Variants in KIRREL1 observed in about 807,000 individuals in gnomAD.
The protein encoded by KIRREL1 is kirre like nephrin family adhesion molecule 1.
Under a neutral mutation model 83.3 loss-of-function variants are expected in KIRREL1, and 25 were observed. That is an observed-to-expected ratio of 0.30 (90% CI 0.22 to 0.42). The LOEUF (loss-of-function observed/expected upper bound fraction) is 0.42, where lower values mean the gene tolerates loss of function less well. Among genes scored for constraint, KIRREL1 ranks in the 10% least tolerant of loss-of-function variants. KIRREL1 has a pLI of 1.00. For synonymous variants in KIRREL1, 388 were observed against 410.4 expected, an observed-to-expected ratio of 0.95 and a Z score of 0.66; for missense variants, 812 against 1,032.3, an observed-to-expected ratio of 0.79 and a Z score of 2.92.
Position 158,095,871 on chromosome 1 carries a change from A to C in KIRREL1, c.*751A>C, listed in dbSNP as rs2101651479. ...AGTCAGGGTCCTGGTGGAGAAAGAA[A>C]GGCTAGGACCATGTCCTCATTGACC... On this transcript the variant is annotated 3_prime_UTR_variant, in exon 15 of 15. Transcript: ENST00000359209. 6.6e-6 allele frequency: 1 copy of C among 152,400 alleles called. No individual in the cohort carries two copies. Among genetic ancestry groups the C allele is most frequent in the Non-Finnish European group, 1.5e-5 (1 of 68,148 alleles). 9.4% of individuals were successfully genotyped at this position (152,400 alleles called of 1,614,324 possible).
intron 1 of KIRREL1, among the ~76,000 whole-genome samples, chr1:158,002,432 C>G (rs991119810): frequency 6.6e-6 from 1 of 152,140 alleles, no homozygotes; most frequent in African/African-American, 2.4e-5. Flanking sequence ...AGGAGCTGAG[C>G]CTAAAGATTC....
chr1:158,076,360 C>T, intron 2 of KIRREL1, 98 bp downstream of exon 2: 2 of 1,077,998 alleles, frequency 1.9e-6, no homozygotes, highest in East Asian at 2.4e-5. Context: ...TTAGTTCCCT[C>T]ACCACCCTCC....
In KIRREL1 at chr1:158,093,388, C is replaced by T. The variant is rs2101647378; in HGVS notation, c.1521C>T (p.Ile507=). 1 of 1,614,248 alleles carries T rather than the reference C, an allele frequency of 6.2e-7. No individual in the cohort carries two copies. The highest frequency in any genetic ancestry group is 1.6e-4 in the Middle Eastern group (1 of 6,062). ...CTGGGGCCACCATCGGCGCGAGCAT[C>T]CTGCTCATCTTCTTCTTCATCGCCT... The part of the protein sequence containing the change: ...IIAGATIGAS[I]LLIFFFIALV... Residue 507 remains isoleucine, a synonymous_variant, in exon 12 of 15, where the codon ATC becomes ATT. Coordinates refer to ENST00000359209, the MANE Select transcript of KIRREL1 (RefSeq NM_018240.7).
intron 1 of KIRREL1, among the ~76,000 whole-genome samples, chr1:158,032,487 A>G (rs1435453555): frequency 6.6e-6 from 1 of 152,210 alleles, no homozygotes; most frequent in Non-Finnish European, 1.5e-5. Flanking sequence ...CTGTAAGGGA[A>G]CTTGTCTCTG....
chr1:158,008,318 A>G (rs1353144931), intron 1 of KIRREL1, among the ~76,000 whole-genome samples: 1 of 152,104 alleles, frequency 6.6e-6, no homozygotes, highest in Admixed American at 6.5e-5. Context: ...TCTCTGCCAG[A>G]AGGCAGGAGG....
intron 1 of KIRREL1, chr1:158,025,580 CAGAGAAAGAAG>C (rs990126855): frequency 6.6e-6 from 1 of 151,832 alleles, no homozygotes; most frequent in African/African-American, 2.5e-5. Context: ...GAAAAACAGC[CAGAGAAAGAAG>C]AGAGAGAGGA....
intron 3 of KIRREL1, among the ~76,000 whole-genome samples, chr1:158,081,728 TATATGAGGGATGAGCTCAC>T (rs1661863981): frequency 6.7e-6 from 1 of 149,288 alleles, no homozygotes. Context: ...GACGAGCTCA[TATATGAGGGATGAGCTCAC>T]GGAGGATGGG....
At chr1:158,027,509 C>T (rs12021619) in intron 1 of KIRREL1, among the ~76,000 whole-genome samples, 9,059 of 152,284 alleles carry the variant, frequency 0.059, 339 homozygotes, top group South Asian at 0.2. Flanking sequence ...GGTTTCAACC[C>T]TCTAATCCTG....
At chr1:158,046,591 C>T (rs1218803570) in intron 1 of KIRREL1, among the ~76,000 whole-genome samples, 1 of 151,802 alleles carries the variant, frequency 6.6e-6, no homozygotes, top group Non-Finnish European at 1.5e-5. Flanking sequence ...CAGTCAGGAC[C>T]CTTCAACAAG....
At chr1:158,008,992 G>A (rs1659597595) in intron 1 of KIRREL1, among the ~76,000 whole-genome samples, 1 of 152,080 alleles carries the variant, frequency 6.6e-6, no homozygotes, top group Non-Finnish European at 1.5e-5. Context: ...CTGTCACCTC[G>A]GGGCTTTCCT....
chr1:158,025,311 T>G (rs933724119), intron 1 of KIRREL1, among the ~76,000 whole-genome samples: 4 of 147,046 alleles, frequency 2.7e-5, no homozygotes, highest in African/African-American at 5.0e-5. Context: ...AGGAATGGAG[T>G]AAGAAAAGGG....
At chr1:158,093,482 C>T in intron 12 of KIRREL1, 36 bp downstream of exon 12, 1 of 1,607,150 alleles carries the variant, frequency 6.2e-7, no homozygotes, top group Non-Finnish European at 8.5e-7. Context: ...CAGCCTTCCC[C>T]TGGCTCTTCC....
chr1:158,069,724 G>A (rs1271819723), intron 1 of KIRREL1, among the ~76,000 whole-genome samples: 1 of 152,174 alleles, frequency 6.6e-6, no homozygotes, highest in Non-Finnish European at 1.5e-5. Context: ...CCAGTGGCCT[G>A]GCTCCTTGCT....
intron 1 of KIRREL1, among the ~76,000 whole-genome samples, chr1:158,054,345 A>T (rs1477134325): frequency 6.6e-6 from 1 of 152,026 alleles, no homozygotes; most frequent in Admixed American, 6.6e-5. Flanking sequence ...TAGAAGTTAT[A>T]TAAACAAAAT....
chr1:158,087,656 TC>T, intron 5 of KIRREL1, 98 bp from the exon 6 acceptor site: 1 of 770,378 alleles, frequency 1.3e-6, no homozygotes, highest in Non-Finnish European at 2.1e-6. Flanking sequence ...AATTCCTAGA[TC>T]CCCGCCAGAG....
At chr1:157,994,178 C>G (rs1449511066) in intron 1 of KIRREL1, among the ~76,000 whole-genome samples, 1 of 152,150 alleles carries the variant, frequency 6.6e-6, no homozygotes, top group Non-Finnish European at 1.5e-5. Flanking sequence ...TCCCACCTCC[C>G]GAAGATGTTG....
intron 1 of KIRREL1, among the ~76,000 whole-genome samples, chr1:158,060,037 C>G (rs1033986941): frequency 1.3e-5 from 2 of 152,166 alleles, no homozygotes; most frequent in African/African-American, 2.4e-5. Context: ...CTCCAAGTCT[C>G]TGCTCCTTAA....
At chr1:158,082,232 G>C (rs1661882180) in intron 3 of KIRREL1, among the ~76,000 whole-genome samples, 1 of 152,052 alleles carries the variant, frequency 6.6e-6, no homozygotes, top group Non-Finnish European at 1.5e-5. Context: ...CCTCACACAT[G>C]CCCTGCACAT....
intron 1 of KIRREL1, among the ~76,000 whole-genome samples, chr1:158,024,384 T>C (rs1285232018): frequency 2.6e-5 from 4 of 151,114 alleles, no homozygotes; most frequent in Non-Finnish European, 5.9e-5. Context: ...GTTCCAGCTA[T>C]TTTCCTGCCT....
Sources: gnomAD v4.1 joint callset for allele counts (sites outside exome capture counted in the v4.1 genomes callset) on GRCh38, gnomAD v4.1.1 for gene constraint, MANE v1.5 for transcripts, NCBI Gene and HGNC (gene_info 2026-07-23, HGNC 2026-07-21) for gene names.